The following RGS7 variants were observed in gnomAD, a reference collection of about 807,000 sequenced individuals.
RGS7 encodes regulator of G-protein signaling 7.
A neutral mutation model predicts 81.1 loss-of-function variants in RGS7; 27 were observed. That is an observed-to-expected ratio of 0.33 (90% CI 0.25 to 0.46). The LOEUF (loss-of-function observed/expected upper bound fraction) is 0.46, where lower values mean the gene tolerates loss of function less well. Among genes scored for constraint, RGS7 ranks in the 20% least tolerant of loss-of-function variants. The probability of loss-of-function intolerance (pLI) is 1.00; values close to 1 mark genes in which losing one functional copy is unlikely to be tolerated. For missense variants in RGS7, 396 were observed against 607.4 expected (o/e 0.65, Z 3.66); for synonymous variants, 208 against 207.7 (o/e 1.00, Z -0.01).
intron 3 of RGS7, among the ~76,000 whole-genome samples, chr1:241,061,501 TG>T (rs915515510): frequency 6.6e-6 from 1 of 152,220 alleles, no homozygotes; most frequent in Admixed American, 6.5e-5. Flanking sequence ...TTTTATTATG[TG>T]GGGTTACACA....
In RGS7 at chr1:241,156,129, TGATGATA is replaced by T. The variant is rs1351590875; in HGVS notation, c.79-57374_79-57368del. The stretch of plus-strand genomic sequence containing the variant: ...CTGAGATAGAGGATAGAAAGATAAA[TGATGATA>T]GATAGATAGATAGATAGATAGATAG... On this transcript the variant is annotated intron_variant, in intron 2 of 18. Transcript: ENST00000440928. 2.3e-4 allele frequency among the ~76,000 whole-genome samples: 27 copies of T among 117,840 alleles called. No homozygotes were observed. The East Asian group carries it at 5.8e-3, about 25-fold the overall frequency. The allele number at this position is 117,840 out of a possible 152,430, so 77.3% of individuals were successfully genotyped here.
chr1:241,146,263 AACT>A (rs1427107633), intron 2 of RGS7, among the ~76,000 whole-genome samples: 2 of 151,682 alleles, frequency 1.3e-5, no homozygotes, highest in African/African-American at 4.9e-5. Flanking sequence ...AGAGCACAAC[AACT>A]ATTTCAATAA....
chr1:241,265,829 T>C (rs1205800775), intron 2 of RGS7, among the ~76,000 whole-genome samples: 1 of 149,840 alleles, frequency 6.7e-6, no homozygotes, highest in East Asian at 2.0e-4. Flanking sequence ...AGTTTTGCTC[T>C]TGTTGCCCAG....
intron 3 of RGS7, among the ~76,000 whole-genome samples, chr1:241,083,474 A>C (rs1301307170): frequency 6.6e-6 from 1 of 151,976 alleles, no homozygotes; most frequent in Non-Finnish European, 1.5e-5. Flanking sequence ...GTGACATCTC[A>C]CTTTCCCCTC....
intron 4 of RGS7, among the ~76,000 whole-genome samples, chr1:240,969,797 C>T (rs1682905736): frequency 6.6e-6 from 1 of 152,214 alleles, no homozygotes; most frequent in Admixed American, 6.5e-5. Flanking sequence ...TGAATCCCAG[C>T]TCTGCTCCTC....
chr1:241,236,756 A>G (rs190234594), intron 2 of RGS7, among the ~76,000 whole-genome samples: 6 of 152,358 alleles, frequency 3.9e-5, no homozygotes, highest in Admixed American at 3.9e-4. Flanking sequence ...CAGCCGAGAA[A>G]GGTTACAACT....
Position 241,064,753 on chromosome 1 carries a change from A to T in RGS7, c.175+33913T>A, listed in dbSNP as rs116093163. Among the ~76,000 whole-genome samples the T allele has an allele frequency of 8.6e-3, 1,314 of 152,198 alleles. 16 individuals are homozygous for T. The highest frequency in any genetic ancestry group is 0.013 in the Non-Finnish European group (894 of 68,006). ...AAAAAAAGAGACAAAGAAAGAAAAAAAAGTCAGAATCCAGGAATCTGGATT... is the reference window on the plus strand; with the variant it reads ...AAAAAAAGAGACAAAGAAAGAAAAATAAGTCAGAATCCAGGAATCTGGATT... On this transcript the variant is annotated intron_variant, in intron 3 of 18. Coordinates refer to ENST00000440928, the MANE Select transcript of RGS7 (RefSeq NM_001364886.1).
intron 2 of RGS7, among the ~76,000 whole-genome samples, chr1:241,129,613 C>T (rs187299228): frequency 1.6e-4 from 25 of 152,222 alleles, no homozygotes; most frequent in African/African-American, 5.5e-4. Context: ...TAATCACCGG[C>T]AGAGAGAATA....
chr1:241,321,684 A>G (rs1275721687), intron 2 of RGS7, among the ~76,000 whole-genome samples: 2 of 152,326 alleles, frequency 1.3e-5, no homozygotes, highest in Middle Eastern at 3.4e-3. Context: ...ATTTACTATG[A>G]ACCTTAAAGA....
At chr1:240,924,831 AAAAT>A (rs1674153400) in intron 6 of RGS7, among the ~76,000 whole-genome samples, 1 of 152,218 alleles carries the variant, frequency 6.6e-6, no homozygotes, top group African/African-American at 2.4e-5. Context: ...CTCGGTAATC[AAAAT>A]AAATAATATT....
chr1:240,993,326 A>G (rs1455581360), intron 3 of RGS7, among the ~76,000 whole-genome samples: 1 of 152,176 alleles, frequency 6.6e-6, no homozygotes, highest in Admixed American at 6.5e-5. Context: ...AGAGGGCCTG[A>G]GCCATTTTAC....
At chr1:240,989,528 G>A (rs1006657201) in intron 3 of RGS7, among the ~76,000 whole-genome samples, 1 of 151,490 alleles carries the variant, frequency 6.6e-6, no homozygotes, top group East Asian at 1.9e-4. Context: ...TCCTCTCCAT[G>A]ACTACCAATG....
chr1:241,089,063 C>CTCTCTA (rs1374552672), intron 3 of RGS7, among the ~76,000 whole-genome samples: 34 of 23,676 alleles, frequency 1.4e-3, no homozygotes, highest in Non-Finnish European at 1.6e-3. Flanking sequence ...CTCTCTCTCT[C>CTCTCTA]TATATATATA....
intron 2 of RGS7, among the ~76,000 whole-genome samples, chr1:241,181,394 C>A (rs929929462): frequency 1.3e-5 from 2 of 152,238 alleles, no homozygotes; most frequent in South Asian, 2.1e-4. Context: ...ACATTTAAAA[C>A]AATCATAAAA....
chr1:240,849,520 A>C (rs1659705712), intron 9 of RGS7, among the ~76,000 whole-genome samples: 1 of 152,200 alleles, frequency 6.6e-6, no homozygotes, highest in African/African-American at 2.4e-5. Flanking sequence ...TCTCCTCCAA[A>C]TCTCATGTTG....
chr1:240,905,871 T>C (rs908047700), intron 6 of RGS7, among the ~76,000 whole-genome samples: 1 of 152,206 alleles, frequency 6.6e-6, no homozygotes, highest in African/African-American at 2.4e-5. Context: ...AGAGAATGCC[T>C]TGCACATGAC....
intron 2 of RGS7, among the ~76,000 whole-genome samples, chr1:241,259,863 A>T (rs1220281715): frequency 6.6e-6 from 1 of 151,750 alleles, no homozygotes; most frequent in East Asian, 1.9e-4. Flanking sequence ...CACAGTTTAA[A>T]ATTATAAAAT....
intron 2 of RGS7, among the ~76,000 whole-genome samples, chr1:241,273,282 C>A (rs771855220): frequency 2.0e-4 from 30 of 148,110 alleles, no homozygotes; most frequent in Non-Finnish European, 4.3e-4. Context: ...TTCAGTTGAC[C>A]ACTAACTATA....
At chr1:241,220,950 C>CAAGG (rs751386119) in intron 2 of RGS7, among the ~76,000 whole-genome samples, 98 of 54,294 alleles carry the variant, frequency 1.8e-3, no homozygotes, top group South Asian at 6.1e-3. Flanking sequence ...AAGGAAGAAG[C>CAAGG]AAGGAAGGAA....
Sources: allele counts gnomAD v4.1 joint callset (sites outside exome capture counted in the v4.1 genomes callset), GRCh38; gene constraint gnomAD v4.1.1; transcripts MANE v1.5; gene names NCBI Gene and HGNC (gene_info 2026-07-23, HGNC 2026-07-21).